Variants in TBC1D5 observed in about 807,000 individuals in gnomAD.
The protein encoded by TBC1D5 is TBC1 domain family, member 5.
TBC1D5 carries 75 observed loss-of-function variants against 100.3 expected under a neutral mutation model. The observed-to-expected ratio is 0.75, with a 90% CI of 0.62 to 0.91. The LOEUF (loss-of-function observed/expected upper bound fraction) is 0.91, where lower values mean the gene tolerates loss of function less well. Among genes scored for constraint, TBC1D5 ranks in the 40% least tolerant of loss-of-function variants. TBC1D5 has a pLI of 0.00. For missense variants in TBC1D5, 910 were observed against 942.4 expected (o/e 0.97, Z 0.45); for synonymous variants, 323 against 325.6 (o/e 0.99, Z 0.09).
intron 3 of TBC1D5, among the ~76,000 whole-genome samples, chr3:17,496,283 C>T (rs551395793): frequency 2.6e-5 from 4 of 152,206 alleles, no homozygotes; most frequent in Admixed American, 1.3e-4. Flanking sequence ...CCAAGTGACC[C>T]TAATTGTATT....
intron 12 of TBC1D5, among the ~76,000 whole-genome samples, chr3:17,372,955 G>A (rs968768257): frequency 2.0e-5 from 3 of 152,058 alleles, no homozygotes; most frequent in Non-Finnish European, 4.4e-5. Flanking sequence ...TAGGCTTTAC[G>A]AGTCATACAG....
At chr3:17,347,735 G>T (rs191286250) in intron 13 of TBC1D5, among the ~76,000 whole-genome samples, 10 of 152,256 alleles carry the variant, frequency 6.6e-5, no homozygotes, top group African/African-American at 2.4e-4. Flanking sequence ...TGGGACAAGA[G>T]TAGAGGCTCA....
At chr3:17,740,117 C>A (rs1010398070) in exon 1 of TBC1D5, 4 of 151,918 alleles carry the variant, frequency 2.6e-5, no homozygotes, top group Non-Finnish European at 5.9e-5. Context: ...GAGGTCGATA[C>A]CAGCCTGGCC....
chr3:17,280,955 C>G (rs1442738778), intron 15 of TBC1D5, among the ~76,000 whole-genome samples: 1 of 152,180 alleles, frequency 6.6e-6, no homozygotes, highest in Non-Finnish European at 1.5e-5. Flanking sequence ...GAGTTTTGCT[C>G]CTTCAGGTGC....
rs563846442 is a variant in TBC1D5 at position 17,384,086 on chromosome 3, G to A, written c.510-71C>T. The A allele has an allele frequency of 1.7e-5, 23 of 1,352,924 alleles. No individual in the cohort carries two copies. The East Asian group carries it at 3.3e-4, about 20-fold the overall frequency. 83.8% of individuals were successfully genotyped at this position (1,352,924 alleles called of 1,614,324 possible). A position where few individuals can be genotyped will look rare whatever the true frequency, so the allele number is the denominator to read the frequency against. On this transcript the variant is annotated intron_variant, in intron 8 of 21. Coordinates refer to ENST00000253692, the Ensembl canonical transcript of TBC1D5. ...AGAATCACTCTCAAATTCTCATCTC[G>A]AAGACGTGCCAAGGGCTGCTTCAGG...
intron 1 of TBC1D5, among the ~76,000 whole-genome samples, chr3:17,707,047 T>TA (rs1224364741): frequency 2.0e-5 from 3 of 152,016 alleles, no homozygotes; most frequent in African/African-American, 7.2e-5. Context: ...ATAATTTCGG[T>TA]AAATGTTTTT....
At chr3:17,540,766 G>A (rs2096344342) in intron 2 of TBC1D5, among the ~76,000 whole-genome samples, 1 of 151,634 alleles carries the variant, frequency 6.6e-6, no homozygotes, top group Non-Finnish European at 1.5e-5. Flanking sequence ...AATTAGCCGG[G>A]CATGATGGTG....
chr3:17,576,176 C>A (rs374332335), intron 2 of TBC1D5, among the ~76,000 whole-genome samples: 6 of 151,986 alleles, frequency 3.9e-5, no homozygotes, highest in Non-Finnish European at 8.8e-5. Flanking sequence ...AACACGTACA[C>A]GTGTTTAAGA....
chr3:17,577,667 C>T (rs2096665911), intron 2 of TBC1D5, among the ~76,000 whole-genome samples: 2 of 151,818 alleles, frequency 1.3e-5, no homozygotes, highest in Non-Finnish European at 2.9e-5. Context: ...ATTCACTACC[C>T]TTTGAGAATT....
intron 1 of TBC1D5, among the ~76,000 whole-genome samples, chr3:17,693,223 G>C (rs2071432772): frequency 6.6e-6 from 1 of 152,212 alleles, no homozygotes. Context: ...TCATCTCATT[G>C]GGACTGGTTG....
intron 19 of TBC1D5, among the ~76,000 whole-genome samples, chr3:17,181,173 C>T (rs1286153220): frequency 2.0e-5 from 3 of 152,144 alleles, no homozygotes; most frequent in Non-Finnish European, 2.9e-5. Context: ...TCAAGGAGCT[C>T]ACACACCTCA....
intron 13 of TBC1D5, among the ~76,000 whole-genome samples, chr3:17,369,386 G>A (rs929068849): frequency 3.3e-5 from 5 of 152,124 alleles, no homozygotes; most frequent in Non-Finnish European, 5.9e-5. Flanking sequence ...ACTACATACT[G>A]AGTACTACTT....
chr3:17,258,987 A>G, intron 15 of TBC1D5, among the ~76,000 whole-genome samples: 1 of 152,280 alleles, frequency 6.6e-6, no homozygotes, highest in East Asian at 1.9e-4. Context: ...GGGGGAAGAG[A>G]AAGTCATTAG....
In TBC1D5 at chr3:17,241,936, A is replaced by T. The variant is rs188088908; in HGVS notation, c.1332-3517T>A. On this transcript the variant is annotated intron_variant, in intron 16 of 21. Transcript: ENST00000253692. ...AGACCAACACAGTATCTGATATTCC[A>T]ACCTTAAAAGAATCAAATATAACAT... is the stretch of plus-strand genomic sequence containing the variant. 7.9e-4 allele frequency among the ~76,000 whole-genome samples: 120 copies of T among 152,354 alleles called. 2 individuals carry two copies. In the South Asian group the frequency reaches 0.013, roughly 16 times the overall value.
chr3:17,217,983 T>C (rs758687857), intron 17 of TBC1D5, among the ~76,000 whole-genome samples: 6 of 152,042 alleles, frequency 3.9e-5, no homozygotes, highest in Non-Finnish European at 8.8e-5. Flanking sequence ...AAGGGTGTTA[T>C]AACTCCTGCA....
intron 1 of TBC1D5, among the ~76,000 whole-genome samples, chr3:17,640,963 T>TAA (rs200146620): frequency 1.0e-4 from 15 of 144,082 alleles, no homozygotes; most frequent in African/African-American, 2.8e-4. Flanking sequence ...ATCTCAGCCT[T>TAA]AAAAAAAAAA....
Position 17,402,260 on chromosome 3 carries a change from C to A in TBC1D5, c.509+921G>T, listed in dbSNP as rs76358195. Among the ~76,000 whole-genome samples the A allele has an allele frequency of 6.9e-3, 1,048 of 152,088 alleles. 8 individuals are homozygous for A. Among genetic ancestry groups the A allele is most frequent in the African/African-American group, 0.024 (983 of 41,482 alleles). ...GAAATGAATATCAGAGAGCGAGAGG[C>A]CTTGACATTATAATAGATTTAGCAG... On this transcript the variant is annotated intron_variant, in intron 8 of 21. Coordinates refer to ENST00000253692, the Ensembl canonical transcript of TBC1D5.
At chr3:17,376,072 A>G (rs1441364090) in intron 10 of TBC1D5, among the ~76,000 whole-genome samples, 2 of 152,194 alleles carry the variant, frequency 1.3e-5, no homozygotes, top group Non-Finnish European at 2.9e-5. Context: ...TTGAGAAGCA[A>G]TTTTGTTTAT....
At chr3:17,615,270 G>GCTGGATT (rs2062048368) in intron 2 of TBC1D5, among the ~76,000 whole-genome samples, 1 of 152,190 alleles carries the variant, frequency 6.6e-6, no homozygotes, top group Non-Finnish European at 1.5e-5. Context: ...TTGATATGCT[G>GCTGGATT]CTGGATTCAG....
Sources: gnomAD v4.1 joint callset for allele counts (sites outside exome capture counted in the v4.1 genomes callset) on GRCh38, gnomAD v4.1.1 for gene constraint, MANE v1.5 for transcripts, NCBI Gene and HGNC (gene_info 2026-07-23, HGNC 2026-07-21) for gene names.